Variants in TMEM231 observed in about 807,000 individuals in gnomAD.
TMEM231 encodes the protein transmembrane protein 231.
Under a neutral mutation model 38.5 loss-of-function variants are expected in TMEM231, and 40 were observed. That is an observed-to-expected ratio of 1.04 (90% CI 0.81 to 1.35). TMEM231 has a LOEUF of 1.35. Among genes scored for constraint, TMEM231 ranks in the 40% most tolerant of loss-of-function variants. The pLI, the probability that TMEM231 is intolerant of heterozygous loss-of-function variation, is 0.00. For missense variants in TMEM231, 420 were observed against 416.9 expected (o/e 1.01, Z -0.07); for synonymous variants, 199 against 181.7 (o/e 1.10, Z -0.77).
chr16:75,554,558 A>G (rs1212901107), intron 2 of TMEM231, among the ~76,000 whole-genome samples: 2 of 149,706 alleles, frequency 1.3e-5, no homozygotes, highest in South Asian at 2.2e-4. Flanking sequence ...AAAAAAAAAA[A>G]AAAAAGAAAA....
chr16:75,543,848 T>C (rs532290920), intron 4 of TMEM231, among the ~76,000 whole-genome samples: 2 of 152,354 alleles, frequency 1.3e-5, no homozygotes, highest in South Asian at 4.1e-4. Flanking sequence ...ACAACTTATA[T>C]TGATTATAGT....
Position 75,556,188 on chromosome 16 carries a change from A to G in TMEM231, c.22T>C (p.Ser8Pro), listed in dbSNP as rs760892967. The change falls in exon 1 of 7, where the codon TCT becomes CCT. Residue 8 changes from serine (S) to proline (P), a missense_variant. Physicochemically the swap from Ser to Pro is moderately conservative, Grantham distance 74. Transcript: ENST00000258173. ...CGGTAACTGCGCTCGACCGGGTGAG[A>G]GAAGAGCTCATAGAGCGCCATGAGC... MALYELF[S>P]HPVERSYRAG... 1.3e-6 allele frequency: 2 copies of G among 1,509,826 alleles called. No homozygotes were observed. The highest frequency in any genetic ancestry group is 1.4e-5 in the African/African-American group (1 of 71,364). The allele number at this position is 1,509,826 out of a possible 1,614,324, so 93.5% of individuals were successfully genotyped here. A position where few individuals can be genotyped will look rare whatever the true frequency, so the allele number is the denominator to read the frequency against.
chr16:75,555,509 G>T (rs12599212), intron 2 of TMEM231: 8 of 384,272 alleles, frequency 2.1e-5, no homozygotes, highest in Non-Finnish European at 3.2e-5. Context: ...AGGCCCGCGG[G>T]TGTGACCCGG....
Position 75,539,913 on chromosome 16 carries a change from T to C in TMEM231, c.*81A>G, listed in dbSNP as rs1384705417. 4.3e-5 allele frequency: 56 copies of C among 1,293,724 alleles called. No homozygotes were observed. The highest frequency in any genetic ancestry group is 5.5e-5 in the Non-Finnish European group (52 of 945,666). 80.1% of individuals were successfully genotyped at this position (1,293,724 alleles called of 1,614,324 possible). A position where few individuals can be genotyped will look rare whatever the true frequency, so the allele number is the denominator to read the frequency against. On this transcript the variant is annotated 3_prime_UTR_variant, in exon 7 of 7. Transcript: ENST00000258173. ...ACAAGCCCGCAGGTGTCCGCTGGGC[T>C]CTTTCAAAAGGTCCTAAGATGTTCC...
chr16:75,551,885 C>A (rs893620466), intron 2 of TMEM231, among the ~76,000 whole-genome samples: 3 of 151,698 alleles, frequency 2.0e-5, no homozygotes, highest in African/African-American at 7.3e-5. Flanking sequence ...TCGCTTGAAC[C>A]CAGGAGGCGG....
chr16:75,540,906 T>G (rs1262355283), intron 6 of TMEM231, among the ~76,000 whole-genome samples: 3 of 152,240 alleles, frequency 2.0e-5, no homozygotes, highest in Non-Finnish European at 4.4e-5. Flanking sequence ...TTTATGAGGC[T>G]ATAACCCTGT....
intron 3 of TMEM231, 82 bp downstream of exon 3, chr16:75,545,744 G>C (rs1379269797): frequency 5.1e-5 from 33 of 648,182 alleles, no homozygotes; most frequent in Non-Finnish European, 7.4e-5. Flanking sequence ...CTAGAGTGCG[G>C]GTCTTCTAGA....
At chr16:75,546,386 A>C (rs1409320857) in intron 2 of TMEM231, among the ~76,000 whole-genome samples, 1 of 152,186 alleles carries the variant, frequency 6.6e-6, no homozygotes, top group Admixed American at 6.5e-5. Flanking sequence ...ACCTAATCCT[A>C]ATCATTATGC....
intron 2 of TMEM231, among the ~76,000 whole-genome samples, chr16:75,550,996 C>T (rs901142127): frequency 6.6e-5 from 10 of 152,122 alleles, no homozygotes; most frequent in Admixed American, 6.5e-4. Context: ...GGATTACAGG[C>T]GTGAGCCACT....
Position 75,537,280 on chromosome 16 carries a change from T to C in TMEM231, c.*2714A>G, listed in dbSNP as rs1042027385. ...ATACATATACCCCATGAGTCTACAA[T>C]AAAAGTTGGAAGGAAAAAAAAAAAA... On this transcript the variant is annotated 3_prime_UTR_variant, in exon 7 of 7. Coordinates refer to ENST00000258173, the MANE Select transcript of TMEM231 (RefSeq NM_001077418.3). 7 of 146,792 alleles carry C rather than the reference T, an allele frequency of 4.8e-5. No homozygotes were observed. In the East Asian group the frequency reaches 6.0e-4, roughly 13 times the overall value. The allele number at this position is 146,792 out of a possible 1,614,324, so 9.1% of individuals were successfully genotyped here.
chr16:75,546,029 A>C (rs2080686310), intron 2 of TMEM231, 75 bp from the exon 3 acceptor site: 5 of 1,562,872 alleles, frequency 3.2e-6, no homozygotes, highest in Non-Finnish European at 3.5e-6. Context: ...TTCTGTAAAT[A>C]CACAATGACC....
chr16:75,555,760 C>G (rs1468110395), intron 2 of TMEM231, 44 bp downstream of exon 2: 1 of 1,464,378 alleles, frequency 6.8e-7, no homozygotes, highest in South Asian at 1.4e-5. Flanking sequence ...CCCATCCCCA[C>G]CCTATCCCCG....
chr16:75,549,143 G>C (rs2080727238), intron 2 of TMEM231, among the ~76,000 whole-genome samples: 1 of 152,172 alleles, frequency 6.6e-6, no homozygotes. Flanking sequence ...CACCAAGCTG[G>C]ACTCTCACCC....
In TMEM231 at chr16:75,540,062, G is replaced by C. The variant is rs761280513; in HGVS notation, c.883C>G (p.Gln295Glu). The change falls in exon 7 of 7, where the codon CAG becomes GAG. Residue 295 changes from glutamine to glutamate, a missense_variant. By Grantham distance (29) the Gln-to-Glu change is conservative (BLOSUM62 2). Coordinates refer to ENST00000258173, the MANE Select transcript of TMEM231 (RefSeq NM_001077418.3). ...GTCACAGGAATGGTGGTCACCACCTGATTCTGAAACACGAAGATCTTGATT... is the reference window on the plus strand; with the variant it reads ...GTCACAGGAATGGTGGTCACCACCTCATTCTGAAACACGAAGATCTTGATT... ...ERIKIFVFQNQVVTTIPVTVT... is the reference protein window; with the variant it reads ...ERIKIFVFQNEVVTTIPVTVT... The C allele has an allele frequency of 3.1e-6, 5 of 1,613,778 alleles. No homozygotes were observed. The Admixed American group carries it at 8.3e-5, about 27-fold the overall frequency.
At chr16:75,550,113 A>G (rs917078841) in intron 2 of TMEM231, among the ~76,000 whole-genome samples, 1 of 152,196 alleles carries the variant, frequency 6.6e-6, no homozygotes, top group African/African-American at 2.4e-5. Context: ...TGCAGGGAAC[A>G]TTTCCCACAC....
chr16:75,541,238 G>T, intron 6 of TMEM231, 112 bp downstream of exon 6: 9 of 468,474 alleles, frequency 1.9e-5, no homozygotes, highest in East Asian at 4.0e-5. Context: ...CAGGCTGGTT[G>T]TGAACTCCTG....
intron 2 of TMEM231, 199 bp from the exon 3 acceptor site, chr16:75,546,153 AT>A: frequency 6.6e-7 from 1 of 1,503,940 alleles, no homozygotes; most frequent in South Asian, 1.2e-5. Flanking sequence ...CCTGAACTTC[AT>A]ATCTGGGCCT....
chr16:75,552,210 T>C (rs1175686008), intron 2 of TMEM231, among the ~76,000 whole-genome samples: 1 of 152,096 alleles, frequency 6.6e-6, no homozygotes, highest in Non-Finnish European at 1.5e-5. Context: ...TCCCAGCACT[T>C]TGGGAGGCCG....
chr16:75,542,257 G>C (rs1009965883), intron 5 of TMEM231, among the ~76,000 whole-genome samples: 1 of 142,102 alleles, frequency 7.0e-6, no homozygotes, highest in Non-Finnish European at 1.5e-5. Flanking sequence ...ACAGCAATTT[G>C]TCTTTGGCAT....
Sources: allele counts gnomAD v4.1 joint callset (sites outside exome capture counted in the v4.1 genomes callset), GRCh38; gene constraint gnomAD v4.1.1; transcripts MANE v1.5; gene names NCBI Gene and HGNC (gene_info 2026-07-23, HGNC 2026-07-21).